Variants in PCDHGA3 observed in about 807,000 individuals in gnomAD.
The protein encoded by PCDHGA3 is protocadherin gamma subfamily A, 3, also known as protocadherin gamma-A3.
PCDHGA3 carries 40 observed loss-of-function variants against 58.5 expected under a neutral mutation model. The ratio of observed to expected loss-of-function variants is 0.68; its 90% confidence interval spans 0.53 to 0.89. The LOEUF (loss-of-function observed/expected upper bound fraction) is 0.89, where lower values mean the gene tolerates loss of function less well. Among genes scored for constraint, PCDHGA3 ranks in the 40% least tolerant of loss-of-function variants. The pLI is 0.00. For missense variants in PCDHGA3, 1,223 were observed against 1,195.9 expected (o/e 1.02, Z -0.33); for synonymous variants, 530 against 525.7 (o/e 1.01, Z -0.11).
chr5:141,359,944 G>A (rs533641338), intron 1 of PCDHGA3: 7 of 508,210 alleles, frequency 1.4e-5, no homozygotes, highest in African/African-American at 1.2e-4. Flanking sequence ...CGTCGCTGTT[G>A]GTCAAAAGAA....
At chr5:141,364,574 G>A (rs184408500) in intron 1 of PCDHGA3, 1 of 1,614,048 alleles carries the variant, frequency 6.2e-7, no homozygotes, top group African/African-American at 1.3e-5. Context: ...CCCGCGAAGC[G>A]GCAGCTTGGT....
rs1036344847 is a variant in PCDHGA3 at position 141,424,050 on chromosome 5, C to G, written c.2425-70757C>G. 9.9e-6 allele frequency: 10 copies of G among 1,014,084 alleles called. No homozygotes were observed. The African/African-American group carries it at 1.6e-4, about 16-fold the overall frequency. The allele number at this position is 1,014,084 out of a possible 1,614,324, so 62.8% of individuals were successfully genotyped here. A position where few individuals can be genotyped will look rare whatever the true frequency, so the allele number is the denominator to read the frequency against. ...ACTTTTTATTTCCATTTCAATTTTG[C>G]TGTGCCTTCACTGATTTGTAGTTAT... On this transcript the variant is annotated intron_variant, in intron 1 of 3. Coordinates refer to ENST00000253812, the MANE Select transcript of PCDHGA3 (RefSeq NM_018916.4).
chr5:141,351,245 G>A, intron 1 of PCDHGA3: 1 of 1,614,038 alleles, frequency 6.2e-7, no homozygotes, highest in African/African-American at 1.3e-5. Flanking sequence ...TCACTGTAAT[G>A]TTCAAATAGA....
rs765809429 is a variant in PCDHGA3 at position 141,511,205 on chromosome 5, C to A, written c.*32C>A. On this transcript the variant is annotated 3_prime_UTR_variant, in exon 4 of 4. Coordinates refer to ENST00000253812, the MANE Select transcript of PCDHGA3 (RefSeq NM_018916.4). ...GGCCAGGCCAAGAGCCACAGGGCGGCCTCTCCCCAACCAGCCCAGCTTCTC... is the reference window on the plus strand; with the variant it reads ...GGCCAGGCCAAGAGCCACAGGGCGGACTCTCCCCAACCAGCCCAGCTTCTC... 4.3e-6 allele frequency: 7 copies of A among 1,611,426 alleles called. No homozygotes were observed. The Admixed American group carries it at 6.7e-5, about 15-fold the overall frequency.
At chr5:141,351,399 G>T (rs752842629) in intron 1 of PCDHGA3, 4 of 1,611,448 alleles carry the variant, frequency 2.5e-6, no homozygotes, top group Non-Finnish European at 3.4e-6. Flanking sequence ...ATGGTGACAT[G>T]CTATACTCAG....
At chr5:141,370,198 C>G in intron 1 of PCDHGA3, 1 of 534,742 alleles carries the variant, frequency 1.9e-6, no homozygotes. Context: ...TAGTGCTGTG[C>G]AAAATATTGG....
chr5:141,370,530 C>T (rs1302599880), intron 1 of PCDHGA3: 2 of 1,613,800 alleles, frequency 1.2e-6, no homozygotes, highest in Non-Finnish European at 1.7e-6. Flanking sequence ...CAGGGGCTCG[C>T]TGGTAGGGAA....
rs1591273286 is a variant in PCDHGA3, at chr5:141,433,311, T to A, written c.2425-61496T>A. 11 of 870,402 alleles carry A rather than the reference T, an allele frequency of 1.3e-5. No individual in the cohort carries two copies. The East Asian group carries it at 2.9e-4, about 23-fold the overall frequency. 53.9% of individuals were successfully genotyped at this position (870,402 alleles called of 1,614,324 possible). A position where few individuals can be genotyped will look rare whatever the true frequency, so the allele number is the denominator to read the frequency against. On this transcript the variant is annotated intron_variant, in intron 1 of 3. Coordinates refer to ENST00000253812, the MANE Select transcript of PCDHGA3 (RefSeq NM_018916.4). Reference sequence around the variant, plus strand: ...TAGGCTCAAGCAATTATCCCACCTTTGCCTCCGGTGTAACAGGGACTACAG... The same window carrying A: ...TAGGCTCAAGCAATTATCCCACCTTAGCCTCCGGTGTAACAGGGACTACAG...
intron 1 of PCDHGA3, 92 bp downstream of exon 1, chr5:141,346,549 C>A: frequency 6.6e-7 from 1 of 1,524,712 alleles, no homozygotes; most frequent in Non-Finnish European, 8.9e-7. Flanking sequence ...GAAATAAAGC[C>A]ATGAGGTTGT....
rs71583649 is a variant in PCDHGA3, at chr5:141,491,361, C to A, written c.2425-3446C>A. On this transcript the variant is annotated intron_variant, in intron 1 of 3. Transcript: ENST00000253812. The surrounding 1 kb of genome is among the most constrained non-coding windows in gnomAD (Gnocchi z 6.9). The stretch of plus-strand genomic sequence containing the variant: ...CGACCGTCAGTCTCTTATCCCTAGT[C>A]ACCTTCACCTTTCTGTCAGCGAAGT... 1.0e-3 allele frequency: 1,614 copies of A among 1,614,132 alleles called. 5 individuals carry two copies. The highest frequency in any genetic ancestry group is 5.1e-3 in the Middle Eastern group (31 of 6,062).
intron 1 of PCDHGA3, among the ~76,000 whole-genome samples, chr5:141,402,682 T>C (rs1012328239): frequency 2.0e-5 from 3 of 152,256 alleles, no homozygotes; most frequent in South Asian, 4.1e-4. Context: ...CCATCTGATA[T>C]AATGTTACAC....
At chr5:141,387,499 T>A (rs57697403) in intron 1 of PCDHGA3, among the ~76,000 whole-genome samples, 12,383 of 152,290 alleles carry the variant, frequency 0.081, 653 homozygotes, top group African/African-American at 0.15. Context: ...TAAGAGTACA[T>A]TTTTAGACGT....
chr5:141,433,767 G>T (rs1237334342), intron 1 of PCDHGA3, among the ~76,000 whole-genome samples: 1 of 151,532 alleles, frequency 6.6e-6, no homozygotes, highest in Non-Finnish European at 1.5e-5. Flanking sequence ...AACCTGGGAG[G>T]TGGAGGTTGC....
chr5:141,476,459 C>T lies in PCDHGA3; in HGVS notation c.2425-18348C>T. On this transcript the variant is annotated intron_variant, in intron 1 of 3. Coordinates refer to ENST00000253812, the MANE Select transcript of PCDHGA3 (RefSeq NM_018916.4). The surrounding 1 kb of genome is among the most constrained non-coding windows in gnomAD (Gnocchi z 7.6). ...AACTCTGGAGTTGGTAGTGGAGAACCCGCTGGAGCTGTTCAGCGTGGAAGT... is the reference window on the plus strand; with the variant it reads ...AACTCTGGAGTTGGTAGTGGAGAACTCGCTGGAGCTGTTCAGCGTGGAAGT... 6.2e-7 allele frequency: 1 copy of T among 1,614,048 alleles called. No individual in the cohort carries two copies. Among genetic ancestry groups the T allele is most frequent in the Non-Finnish European group, 8.5e-7 (1 of 1,180,006 alleles).
rs771681529 is a variant in PCDHGA3 at position 141,486,617 on chromosome 5, C to T, written c.2425-8190C>T. The T allele has an allele frequency of 1.2e-6, 2 of 1,613,602 alleles. No individual in the cohort carries two copies. Among genetic ancestry groups the T allele is most frequent in the Non-Finnish European group, 1.7e-6 (2 of 1,180,036 alleles). On this transcript the variant is annotated intron_variant, in intron 1 of 3. Coordinates refer to ENST00000253812, the MANE Select transcript of PCDHGA3 (RefSeq NM_018916.4). The surrounding 1 kb of genome is among the most constrained non-coding windows in gnomAD (Gnocchi z 5.0). ...GCTTTGCTCCCTTGCAGCCTCTGAC[C>T]CAGACTCTGGCTTGAATGCGCTTAT...
rs980109158 is a variant in PCDHGA3 at position 141,375,279 on chromosome 5, G to A, written c.2424+28822G>A. On this transcript the variant is annotated intron_variant, in intron 1 of 3. Transcript: ENST00000253812. ...CCATTTGAATTGGAAAAATCAGTTG[G>A]CAATTATTATCGATTAGTGACAAAT... is the stretch of plus-strand genomic sequence containing the variant. 18 of 1,613,688 alleles carry A rather than the reference G, an allele frequency of 1.1e-5. No individual in the cohort carries two copies. The highest frequency in any genetic ancestry group is 4.2e-6 in the Non-Finnish European group (5 of 1,179,904).
At position 141,432,987 on chromosome 5, in the gene PCDHGA3, T is replaced by C. The variant is rs1259121931; in HGVS notation, c.2425-61820T>C. ...GCGCCGGCGTCGCACTTTGTGGGCGTGGACGGGGTGCAGGCTTTCCTGCAG... is the reference window on the plus strand; with the variant it reads ...GCGCCGGCGTCGCACTTTGTGGGCGCGGACGGGGTGCAGGCTTTCCTGCAG... On this transcript the variant is annotated intron_variant, in intron 1 of 3. Coordinates refer to ENST00000253812, the MANE Select transcript of PCDHGA3 (RefSeq NM_018916.4). The surrounding 1 kb of genome is among the most constrained non-coding windows in gnomAD (Gnocchi z 6.0). The C allele has an allele frequency of 3.7e-6, 6 of 1,614,174 alleles. No individual in the cohort carries two copies. Among genetic ancestry groups the C allele is most frequent in the Non-Finnish European group, 5.1e-6 (6 of 1,180,032 alleles).
intron 1 of PCDHGA3, among the ~76,000 whole-genome samples, chr5:141,463,844 G>A (rs545618795): frequency 1.3e-5 from 2 of 152,258 alleles, no homozygotes; most frequent in East Asian, 3.9e-4. Context: ...AGTTGTTATA[G>A]TGGTATATCT....
rs760722908 is a variant in PCDHGA3 at position 141,362,262 on chromosome 5, G to A, written c.2424+15805G>A. On this transcript the variant is annotated intron_variant, in intron 1 of 3. Coordinates refer to ENST00000253812, the MANE Select transcript of PCDHGA3 (RefSeq NM_018916.4). ...TGCTCTTCTTCCTCGCGGTGATTCT[G>A]GCAATCTCCCTGCGCCTGCGACTCT... 5.0e-6 allele frequency: 8 copies of A among 1,613,888 alleles called. No homozygotes were observed. In the Admixed American group the frequency reaches 5.0e-5, roughly 10 times the overall value.
Sources: gnomAD v4.1 joint callset for allele counts (sites outside exome capture counted in the v4.1 genomes callset) on GRCh38, gnomAD v4.1.1 for gene constraint, Gnocchi (gnomAD v3.1) non-coding constraint, MANE v1.5 for transcripts, NCBI Gene and HGNC (gene_info 2026-07-23, HGNC 2026-07-21) for gene names.